SPEG: variants seen among roughly 807,000 people sequenced by gnomAD.
The protein encoded by SPEG is striated muscle preferentially expressed protein kinase.
Under a neutral mutation model 300.4 loss-of-function variants are expected in SPEG, and 114 were observed. The observed-to-expected ratio is 0.38, with a 90% CI of 0.33 to 0.44. The LOEUF is 0.44. Ranked by LOEUF, SPEG falls within the 20% of genes least tolerant of loss-of-function variation. The pLI is 1.00. For missense variants in SPEG, 4,201 were observed against 4,586.2 expected (o/e 0.92, Z 2.43); for synonymous variants, 1,964 against 2,018.9 (o/e 0.97, Z 0.73).
At chr2:219,436,772 C>T (rs573794075) in intron 1 of SPEG, among the ~76,000 whole-genome samples, 96 of 152,166 alleles carry the variant, frequency 6.3e-4, no homozygotes, top group Non-Finnish European at 1.1e-3. Context: ...ACAGGCCTCC[C>T]GAGCCTGGGA....
At chr2:219,470,471 G>C (rs1691773929) in intron 13 of SPEG, among the ~76,000 whole-genome samples, 1 of 151,222 alleles carries the variant, frequency 6.6e-6, no homozygotes, top group Non-Finnish European at 1.5e-5. Context: ...GAGGCCCTGG[G>C]TGAGTGTCTG....
intron 13 of SPEG, among the ~76,000 whole-genome samples, chr2:219,471,383 T>C (rs1263999819): frequency 6.6e-6 from 1 of 152,118 alleles, no homozygotes; most frequent in Non-Finnish European, 1.5e-5. Context: ...TTGAGGGCTT[T>C]GCTGTCCTCC....
chr2:219,452,610 C>T (rs1406467956), intron 6 of SPEG, among the ~76,000 whole-genome samples: 2 of 151,744 alleles, frequency 1.3e-5, no homozygotes, highest in Non-Finnish European at 2.9e-5. Context: ...GATCAGAGGA[C>T]CTAGGTTGGG....
Position 219,488,515 on chromosome 2 carries a change from T to C in SPEG, c.7876T>C (p.Ser2626Pro), listed in dbSNP as rs200008141. 4.5e-5 allele frequency: 71 copies of C among 1,584,658 alleles called. No homozygotes were observed. Among genetic ancestry groups the C allele is most frequent in the Non-Finnish European group, 5.7e-5 (66 of 1,164,446 alleles). ...GTCCCCAGACAAGAAGTCCTTGAGG[T>C]CAGAGCCCTCAGTGATCATCGTGTC... ...SWMKDKKSLR[S>P]EPSVIIVSCK... The change falls in exon 33 of 41, where the codon TCA (serine) becomes CCA (proline). Residue 2626 changes from serine (S) to proline (P), a missense_variant. Transcript: ENST00000312358.
At chr2:219,460,270 G>T (rs1190015137) in intron 6 of SPEG, 1 of 980,596 alleles carries the variant, frequency 1.0e-6, no homozygotes, top group Admixed American at 6.1e-5. Flanking sequence ...CTCTGTGAAG[G>T]AGGGCAAAGA....
intron 6 of SPEG, chr2:219,460,254 C>T (rs894201859): frequency 1.0e-6 from 1 of 958,860 alleles, no homozygotes; most frequent in Non-Finnish European, 1.2e-6. Context: ...CAGATTCTTC[C>T]CCCACCTCTG....
In SPEG at chr2:219,444,521, A is replaced by T; in HGVS notation, c.389-132A>T. The stretch of plus-strand genomic sequence containing the variant: ...GCTGGGCAGGGGATGTGGGGAGCAA[A>T]AGAGAGGAGGTGCTGGCAGCCCTGC... On this transcript the variant is annotated intron_variant, in intron 1 of 40. Transcript: ENST00000312358. This position sits in a 1 kb window ranked among gnomAD's most constrained non-coding sequence, Gnocchi z 7.8. 1.4e-6 allele frequency: 1 copy of T among 739,774 alleles called. No homozygotes were observed. The highest frequency in any genetic ancestry group is 2.3e-6 in the Non-Finnish European group (1 of 429,480). 45.8% of individuals were successfully genotyped at this position (739,774 alleles called of 1,614,324 possible).
chr2:219,488,431 G>A, intron 32 of SPEG, 67 bp from the exon 33 acceptor site: 2 of 1,512,052 alleles, frequency 1.3e-6, no homozygotes, highest in Non-Finnish European at 1.8e-6. Context: ...GGAGTGGGGA[G>A]TGAGTGAGGG....
At chr2:219,476,181 C>T (rs1410464243) in intron 18 of SPEG, among the ~76,000 whole-genome samples, 2 of 152,090 alleles carry the variant, frequency 1.3e-5, no homozygotes, top group African/African-American at 4.8e-5. Context: ...AAATCACAAC[C>T]ACATGTGGGA....
At chr2:219,456,516 G>C (rs1185710163) in intron 6 of SPEG, among the ~76,000 whole-genome samples, 3 of 152,224 alleles carry the variant, frequency 2.0e-5, no homozygotes, top group African/African-American at 4.8e-5. Flanking sequence ...ACCTAGAACG[G>C]GGGCCATCAC....
intron 28 of SPEG, chr2:219,482,017 G>C (rs1054016544): frequency 4.5e-6 from 2 of 448,846 alleles, no homozygotes; most frequent in Non-Finnish European, 8.2e-6. Context: ...GTCCATCTCT[G>C]TCCTGCACTG....
intron 10 of SPEG, among the ~76,000 whole-genome samples, chr2:219,468,146 G>A (rs1691543673): frequency 1.3e-5 from 2 of 152,240 alleles, no homozygotes; most frequent in South Asian, 4.1e-4. Context: ...GGGCCAAGGG[G>A]CATCTGCTCT....
chr2:219,477,271 C>G lies in SPEG; in HGVS notation c.4561-6C>G, dbSNP rs759341758. 5 of 1,607,314 alleles carry G rather than the reference C, an allele frequency of 3.1e-6. No homozygotes were observed. In the Admixed American group the frequency reaches 6.7e-5, roughly 22 times the overall value. On this transcript the variant is annotated splice_polypyrimidine_tract_variant and splice_region_variant and intron_variant, in intron 19 of 40. Transcript: ENST00000312358. The surrounding 1 kb of genome is among the most constrained non-coding windows in gnomAD (Gnocchi z 6.4). ...CCCAGGCTGAAGGTGAGACCCCACTCTGCAGGACGAGGTGCTGCTGACCGA... is the reference window on the plus strand; with the variant it reads ...CCCAGGCTGAAGGTGAGACCCCACTGTGCAGGACGAGGTGCTGCTGACCGA...
rs746365322 is a variant in SPEG, at chr2:219,489,900, C to A, written c.8882C>A (p.Pro2961His). Residue 2961 changes from proline (P) to histidine (H), a missense_variant, in exon 36 of 41, where the codon CCC (proline) becomes CAC (histidine). Pro to His is a moderately conservative substitution (Grantham distance 77). Coordinates refer to ENST00000312358, the MANE Select transcript of SPEG (RefSeq NM_005876.5). The stretch of plus-strand genomic sequence containing the variant: ...GAGGGTACCACTCTTCGACAGGGTC[C>A]CCCTCAGAAACCCTACACCTTCCTG... ...RPEGTTLRQG[P>H]PQKPYTFLEE... is the part of the protein sequence containing the mutation. The A allele has an allele frequency of 6.3e-7, 1 of 1,593,832 alleles. No individual in the cohort carries two copies. The highest frequency in any genetic ancestry group is 8.6e-7 in the Non-Finnish European group (1 of 1,165,870).
At chr2:219,460,444 G>A (rs560962501) in intron 6 of SPEG, 11 of 985,452 alleles carry the variant, frequency 1.1e-5, no homozygotes, top group East Asian at 1.1e-4. Flanking sequence ...TTTGGTGGAC[G>A]TGTCAGAACA....
At chr2:219,492,550 C>G (rs746814349) in intron 40 of SPEG, 44 bp from the exon 41 acceptor site, 1 of 1,589,914 alleles carries the variant, frequency 6.3e-7, no homozygotes, top group African/African-American at 1.3e-5. Flanking sequence ...CGGCAGCTCC[C>G]AGAGCTTCCT....
At chr2:219,442,198 GC>G in intron 1 of SPEG, 1 of 648,742 alleles carries the variant, frequency 1.5e-6, no homozygotes, top group Non-Finnish European at 2.1e-6. Flanking sequence ...ATCGGCGCCT[GC>G]CCCACCCGAG....
Position 219,489,622 on chromosome 2 carries a change from C to T in SPEG, c.8604C>T (p.Thr2868=), listed in dbSNP as rs1693781064. 5 of 1,613,906 alleles carry T rather than the reference C, an allele frequency of 3.1e-6. No homozygotes were observed. The highest frequency in any genetic ancestry group is 4.2e-6 in the Non-Finnish European group (5 of 1,179,992). ...CCACCCTACCCAGTACCCACGTCAC[C>T]CCAAGTGAGCCCAAGCCTTTCGTCC... ...AEPTLPSTHV[T]PSEPKPFVLD... is the part of the protein sequence containing the mutation. The change falls in exon 36 of 41, where the codon ACC becomes ACT. Residue 2868 remains threonine, a synonymous_variant. Coordinates refer to ENST00000312358, the MANE Select transcript of SPEG (RefSeq NM_005876.5).
intron 8 of SPEG, among the ~76,000 whole-genome samples, chr2:219,463,908 G>C (rs537775639): frequency 6.6e-6 from 1 of 152,104 alleles, no homozygotes; most frequent in Non-Finnish European, 1.5e-5. Flanking sequence ...GATCATTTGA[G>C]CCCAGAAGTT....
Sources: allele counts gnomAD v4.1 joint callset (sites outside exome capture counted in the v4.1 genomes callset), GRCh38; gene constraint gnomAD v4.1.1; non-coding constraint Gnocchi (gnomAD v3.1); transcripts MANE v1.5; gene names NCBI Gene and HGNC (gene_info 2026-07-23, HGNC 2026-07-21).